USP54: variants seen among roughly 807,000 people sequenced by gnomAD.
USP54 encodes ubiquitin specific peptidase 54, also known as ubiquitin carboxyl-terminal hydrolase 54.
A neutral mutation model predicts 170.5 loss-of-function variants in USP54; 87 were observed. The observed-to-expected ratio is 0.51, with a 90% confidence interval of 0.43 to 0.61. The LOEUF is 0.61. Among genes scored for constraint, USP54 ranks in the 20% least tolerant of loss-of-function variants. The pLI, the probability that USP54 is intolerant of heterozygous loss-of-function variation, is 0.00. For synonymous variants in USP54, 655 were observed against 742.8 expected, an observed-to-expected ratio of 0.88 and a Z score of 1.92; for missense variants, 1,786 against 2,047.8, an observed-to-expected ratio of 0.87 and a Z score of 2.47.
intron 1 of USP54, among the ~76,000 whole-genome samples, chr10:73,599,163 A>C (rs1293421948): frequency 2.6e-5 from 4 of 152,220 alleles, no homozygotes; most frequent in Non-Finnish European, 5.9e-5. Flanking sequence ...TAAAATCAAG[A>C]TGATCAGTGG....
In USP54 at chr10:73,500,844, A is replaced by G. The variant is rs1158873342; in HGVS notation, c.4312-6T>C. ...TTCCTCACGTTTGATGAATCCTTAT[A>G]ATGAGACAAGACAAAAAAACATAGA... On this transcript the variant is annotated splice_polypyrimidine_tract_variant and splice_region_variant and intron_variant, in intron 22 of 23. Coordinates refer to ENST00000687698, the MANE Select transcript of USP54 (RefSeq NM_001391956.1). 5 of 1,595,066 alleles carry G rather than the reference A, an allele frequency of 3.1e-6. No homozygotes were observed. The highest frequency in any genetic ancestry group is 3.4e-6 in the Non-Finnish European group (4 of 1,173,976).
chr10:73,598,828 G>A (rs540755926), intron 1 of USP54, among the ~76,000 whole-genome samples: 14 of 152,342 alleles, frequency 9.2e-5, no homozygotes, highest in African/African-American at 2.9e-4. Flanking sequence ...GCTGAGGCAG[G>A]AGAATCGCTT....
intron 4 of USP54, among the ~76,000 whole-genome samples, chr10:73,567,009 T>C (rs1286092001): frequency 6.6e-6 from 1 of 151,848 alleles, no homozygotes; most frequent in African/African-American, 2.4e-5. Context: ...CCTGAGTAGC[T>C]GGGATTACAA....
intron 3 of USP54, among the ~76,000 whole-genome samples, chr10:73,573,067 T>TG (rs1317022041): frequency 2.0e-5 from 3 of 152,126 alleles, no homozygotes; most frequent in Non-Finnish European, 4.4e-5. Context: ...GATGATCATT[T>TG]GAGCCCAGGA....
At chr10:73,573,013 G>A (rs915792729) in intron 3 of USP54, among the ~76,000 whole-genome samples, 3 of 152,164 alleles carry the variant, frequency 2.0e-5, no homozygotes, top group Non-Finnish European at 4.4e-5. Flanking sequence ...GCCAGGTGTG[G>A]TGGCTTATGC....
intron 20 of USP54, chr10:73,505,896 G>A (rs1413902942): frequency 6.6e-6 from 1 of 152,440 alleles, no homozygotes; most frequent in East Asian, 1.9e-4. Context: ...AAGAATTTTA[G>A]AATATAGATA....
In USP54 at chr10:73,532,015, G is replaced by A. The variant is rs188623564; in HGVS notation, c.1316-1180C>T. 4.6e-3 allele frequency among the ~76,000 whole-genome samples: 703 copies of A among 152,260 alleles called. 3 individuals carry two copies. The highest frequency in any genetic ancestry group is 0.016 in the African/African-American group (650 of 41,556). ...TTTGTTTTCACATGATAGCATATGA[G>A]AATCCTTATGCATATTCAAGTATCA... On this transcript the variant is annotated intron_variant, in intron 12 of 23. Transcript: ENST00000687698.
Position 73,517,542 on chromosome 10 carries a change from C to T in USP54, c.2884G>A (p.Asp962Asn). Residue 962 changes from aspartate to asparagine, a missense_variant, in exon 20 of 24, where the codon GAC (aspartate) becomes AAC (asparagine). Physicochemically the swap from Asp to Asn is conservative, Grantham distance 23. This residue lies in a region of USP54 where 1,418 missense variants were observed against 1,569.0 expected (regional missense o/e 0.90). Coordinates refer to ENST00000687698, the MANE Select transcript of USP54 (RefSeq NM_001391956.1). ...TGGAATGCAGAGGGTTCAATGTTGT[C>T]TACTTCAACCGAAGTCAGAAGCTTC... ...ALKLLTSVEV[D>N]NIEPSAFHRQ... is the part of the protein sequence containing the mutation. 6.2e-7 allele frequency: 1 copy of T among 1,614,188 alleles called. No individual in the cohort carries two copies. The highest frequency in any genetic ancestry group is 1.1e-5 in the South Asian group (1 of 91,078).
intron 10 of USP54, among the ~76,000 whole-genome samples, chr10:73,536,757 C>A (rs1446192296): frequency 2.0e-5 from 3 of 152,206 alleles, no homozygotes; most frequent in African/African-American, 7.2e-5. Context: ...CGTGAGGGAA[C>A]TTCAGCTGCC....
intron 20 of USP54, among the ~76,000 whole-genome samples, chr10:73,511,069 C>T (rs1481436540): frequency 1.4e-5 from 2 of 147,632 alleles, no homozygotes; most frequent in African/African-American, 2.5e-5. Context: ...GATTTGCCAA[C>T]GGGTACAAAG....
At chr10:73,572,532 T>C (rs187760957) in intron 3 of USP54, among the ~76,000 whole-genome samples, 2 of 152,330 alleles carry the variant, frequency 1.3e-5, no homozygotes, top group African/African-American at 4.8e-5. Flanking sequence ...TTCTTACTTA[T>C]ATGTCTCAAG....
chr10:73,583,680 T>G (rs2077147971), intron 1 of USP54, among the ~76,000 whole-genome samples: 1 of 152,028 alleles, frequency 6.6e-6, no homozygotes, highest in Non-Finnish European at 1.5e-5. Flanking sequence ...GCCTGGAAAT[T>G]CAAGCCTGTA....
chr10:73,533,070 G>A (rs185201569), intron 12 of USP54, among the ~76,000 whole-genome samples: 246 of 152,322 alleles, frequency 1.6e-3, no homozygotes, highest in African/African-American at 5.6e-3. Context: ...ACTTTGGGAG[G>A]CCGAGGTGGG....
At chr10:73,604,282 AAAAC>A (rs1486098867) in intron 1 of USP54, among the ~76,000 whole-genome samples, 1 of 152,158 alleles carries the variant, frequency 6.6e-6, no homozygotes, top group Non-Finnish European at 1.5e-5. Flanking sequence ...CAAAACAAAA[AAAAC>A]AGTGTTGGCA....
In USP54 at chr10:73,519,958, A is replaced by G; in HGVS notation, c.2517T>C (p.Cys839=). 2.5e-6 allele frequency: 4 copies of G among 1,612,646 alleles called. No individual in the cohort carries two copies. The highest frequency in any genetic ancestry group is 3.4e-6 in the Non-Finnish European group (4 of 1,179,246). Residue 839 remains cysteine, a synonymous_variant, in exon 19 of 24, where the codon TGT becomes TGC. Transcript: ENST00000687698. ...CGACTAGGGCTCTGCTGTGCGTGCT[A>G]CAGCTGGCACCATGCAGGGCAAGTC... The part of the protein sequence containing the change: ...KLRLALHGAS[C]STHSRALVDK...
At chr10:73,624,183 TATATATATATATGTA>T (rs2081313071) in intron 1 of USP54, among the ~76,000 whole-genome samples, 1 of 119,126 alleles carries the variant, frequency 8.4e-6, no homozygotes, top group African/African-American at 2.9e-5. Flanking sequence ...TATATATATA[TATATATATATATGTA>T]TTTTTTTTTT....
chr10:73,518,558 A>G (rs2061412647), intron 19 of USP54, among the ~76,000 whole-genome samples: 1 of 152,134 alleles, frequency 6.6e-6, no homozygotes. Flanking sequence ...AAGCCCCTAA[A>G]TTTGAATGAA....
Position 73,575,867 on chromosome 10 carries a change from T to A in USP54, c.-87A>T, listed in dbSNP as rs2076048264. 6 of 452,278 alleles carry A rather than the reference T, an allele frequency of 1.3e-5. No individual in the cohort carries two copies. Among genetic ancestry groups the A allele is most frequent in the African/African-American group, 2.0e-5 (1 of 50,012 alleles). The allele number at this position is 452,278 out of a possible 1,614,324, so 28.0% of individuals were successfully genotyped here. On this transcript the variant is annotated 5_prime_UTR_variant, in exon 2 of 24. Transcript: ENST00000687698. ...TAGATCAAGATGACAGAGCCCTCCC[T>A]CACTTGTTCCAAACAATCTCCAAAA...
At chr10:73,595,624 T>C (rs184210958), upstream of USP54, among the ~76,000 whole-genome samples, 3 of 152,320 alleles carry the variant, frequency 2.0e-5, no homozygotes, top group East Asian at 5.8e-4. Context: ...TTTAAATTCA[T>C]TTATTTAACT....
Sources: gnomAD v4.1 joint callset for allele counts (sites outside exome capture counted in the v4.1 genomes callset) on GRCh38, gnomAD v4.1.1 for gene constraint, gnomAD v4.1.1 regional missense constraint, MANE v1.5 for transcripts, NCBI Gene and HGNC (gene_info 2026-07-23, HGNC 2026-07-21) for gene names.